Variants in SLTM observed in about 807,000 individuals in gnomAD.
SLTM encodes the protein SAFB-like transcription modulator.
In SLTM, 43 loss-of-function variants were observed where a neutral mutation model predicts 134.6. The observed-to-expected ratio is 0.32, with a 90% CI of 0.25 to 0.41. The LOEUF (loss-of-function observed/expected upper bound fraction) is 0.41, where lower values mean the gene tolerates loss of function less well. SLTM is among the 10% of genes least tolerant of loss of function. The pLI, the probability that SLTM is intolerant of heterozygous loss-of-function variation, is 1.00. For missense variants in SLTM, 1,055 were observed against 1,288.8 expected (o/e 0.82, Z 2.78); for synonymous variants, 424 against 432.3 (o/e 0.98, Z 0.24).
chr15:58,914,542 C>G (rs2036499189), intron 3 of SLTM, among the ~76,000 whole-genome samples: 1 of 152,116 alleles, frequency 6.6e-6, no homozygotes, highest in South Asian at 2.1e-4. Context: ...AGCAGGGGAT[C>G]TCTTGTTTGA....
At chr15:58,881,478 G>C (rs1425904012) in intron 20 of SLTM, among the ~76,000 whole-genome samples, 2 of 151,572 alleles carry the variant, frequency 1.3e-5, no homozygotes, top group African/African-American at 4.9e-5. Context: ...AGTGAGCTGA[G>C]ATAGTGCCAC....
chr15:58,897,818 C>A (rs575144025), intron 8 of SLTM, among the ~76,000 whole-genome samples: 3 of 152,128 alleles, frequency 2.0e-5, no homozygotes, highest in Middle Eastern at 3.4e-3. Context: ...AGATTAAGAT[C>A]AGAGGTCTCA....
chr15:58,923,616 G>C (rs1232513089), intron 2 of SLTM, among the ~76,000 whole-genome samples: 2 of 152,050 alleles, frequency 1.3e-5, no homozygotes, highest in Non-Finnish European at 2.9e-5. Flanking sequence ...TTTTTGTAGA[G>C]TCAAGTAACC....
Position 58,933,474 on chromosome 15 carries a change from TTCAGATCGATGACCC to T in SLTM, c.77_91del (p.Arg26_Lys31delinsGln). The T allele has an allele frequency of 6.3e-7, 1 of 1,598,500 alleles. No homozygotes were observed. Among genetic ancestry groups the T allele is most frequent in the Non-Finnish European group, 8.5e-7 (1 of 1,173,222 alleles). ...TAAGTTCCGCCGCTTCAGCTCGGAC[TTCAGATCGATGACCC>T]GCAGATCGGTGATCTTTTTACCTTC... On this transcript the variant is annotated inframe_deletion, in exon 1 of 21. Transcript: ENST00000380516.
intron 2 of SLTM, among the ~76,000 whole-genome samples, chr15:58,920,582 C>G (rs193165420): frequency 6.6e-6 from 1 of 150,918 alleles, no homozygotes; most frequent in East Asian, 1.9e-4. Context: ...AAGATAGCAA[C>G]GCAGCACTCC....
At chr15:58,913,945 G>A (rs972885503) in intron 3 of SLTM, among the ~76,000 whole-genome samples, 17 of 152,156 alleles carry the variant, frequency 1.1e-4, no homozygotes, top group Non-Finnish European at 1.9e-4. Context: ...ATTGCTGCTA[G>A]AGATGCTCTA....
intron 5 of SLTM, among the ~76,000 whole-genome samples, chr15:58,910,062 T>C (rs2036150373): frequency 6.6e-6 from 1 of 152,230 alleles, no homozygotes; most frequent in Non-Finnish European, 1.5e-5. Context: ...ATTTGAATCC[T>C]AACTGTATGT....
At chr15:58,922,543 TATATGTATATA>T (rs377103448) in intron 2 of SLTM, among the ~76,000 whole-genome samples, 2 of 672 alleles carry the variant, frequency 3.0e-3, no homozygotes, top group African/African-American at 3.2e-3. Context: ...TAATATATTT[TATATGTATATA>T]ATATGTATAT....
rs762132517 is a variant in SLTM at position 58,880,058 on chromosome 15, G to T, written c.3046C>A (p.Pro1016Thr). ...RIVQISGNSM[P>T]RGSGSGFKPF... ...TTAAATCCGGAGCCACTTCCTCTTG[G>T]CATGGAATTGCCACTGATTTGTACA... The change falls in exon 21 of 21, where the codon CCA (proline) becomes ACA (threonine). Residue 1016 changes from proline (P) to threonine (T), a missense_variant. Physicochemically the swap from Pro to Thr is conservative, Grantham distance 38 (BLOSUM62 -1). Coordinates refer to ENST00000380516, the MANE Select transcript of SLTM (RefSeq NM_024755.4). The T allele has an allele frequency of 1.3e-5, 21 of 1,613,986 alleles. No individual in the cohort carries two copies. In the South Asian group the frequency reaches 2.3e-4, roughly 18 times the overall value.
intron 20 of SLTM, among the ~76,000 whole-genome samples, chr15:58,880,316 A>G (rs1662194940): frequency 6.6e-6 from 1 of 152,208 alleles, no homozygotes; most frequent in Non-Finnish European, 1.5e-5. Flanking sequence ...AGCTAATAAA[A>G]TGGTGAAGCA....
intron 14 of SLTM, among the ~76,000 whole-genome samples, chr15:58,892,372 C>T (rs1683472777): frequency 6.6e-6 from 1 of 152,252 alleles, no homozygotes; most frequent in Admixed American, 6.5e-5. Flanking sequence ...CCATTAGGCT[C>T]ACAGGGCAAA....
chr15:58,879,301 C>T lies in SLTM; in HGVS notation c.*698G>A, dbSNP rs1238973256. The T allele has an allele frequency of 2.0e-5, 3 of 152,262 alleles. No individual in the cohort carries two copies. Among genetic ancestry groups the T allele is most frequent in the South Asian group, 2.1e-4 (1 of 4,834 alleles). 9.4% of individuals were successfully genotyped at this position (152,262 alleles called of 1,614,324 possible). A position where few individuals can be genotyped will look rare whatever the true frequency, so the allele number is the denominator to read the frequency against. ...GGTCTAAGAACCTTGTGAAACAAAC[C>T]TCATGGCCAAGGTTTCATGAATCTA... is the stretch of plus-strand genomic sequence containing the variant. On this transcript the variant is annotated 3_prime_UTR_variant, in exon 21 of 21. Coordinates refer to ENST00000380516, the MANE Select transcript of SLTM (RefSeq NM_024755.4).
Position 58,888,769 on chromosome 15 carries a change from T to C in SLTM, c.2205-214A>G, listed in dbSNP as rs77637029. On this transcript the variant is annotated intron_variant, in intron 16 of 20. Transcript: ENST00000380516. The stretch of plus-strand genomic sequence containing the variant: ...GAGAGGAATTTAACAGGAGAGAAAA[T>C]AGTTGAAAAACTGCCTGTCTTTTCC... 1.3e-4 allele frequency: 54 copies of C among 404,774 alleles called. No individual in the cohort carries two copies. The East Asian group carries it at 2.0e-3, about 15-fold the overall frequency. 25.1% of individuals were successfully genotyped at this position (404,774 alleles called of 1,614,324 possible). A position where few individuals can be genotyped will look rare whatever the true frequency, so the allele number is the denominator to read the frequency against.
In SLTM at chr15:58,887,361, T is replaced by C. The variant is rs2034304323; in HGVS notation, c.2555A>G (p.Glu852Gly). The C allele has an allele frequency of 6.2e-7, 1 of 1,613,912 alleles. No homozygotes were observed. The highest frequency in any genetic ancestry group is 1.7e-5 in the Admixed American group (1 of 59,990). ...GTCATGAATAATCACCGTTCTCCTT[T>C]CGTCTCGCTCCCCTCGTACTTCTCG... Reference protein sequence around the residue: ...DRREVRGERDERRTVIIHDRP... With the variant: ...DRREVRGERDGRRTVIIHDRP... Residue 852 changes from glutamate (E) to glycine (G), a missense_variant, in exon 18 of 21, where the codon GAA becomes GGA. Coordinates refer to ENST00000380516, the MANE Select transcript of SLTM (RefSeq NM_024755.4).
intron 17 of SLTM, 58 bp downstream of exon 17, chr15:58,888,327 A>C (rs2034389276): frequency 1.4e-6 from 2 of 1,437,826 alleles, no homozygotes; most frequent in Non-Finnish European, 9.4e-7. Flanking sequence ...TTTAGGAGAA[A>C]CAGAGTTATC....
chr15:58,892,797 A>G (rs2034769397), intron 14 of SLTM, 100 bp downstream of exon 14: 4 of 1,248,374 alleles, frequency 3.2e-6, no homozygotes, highest in East Asian at 4.7e-5. Context: ...GGTGGCAAAC[A>G]GTTTTCTGTG....
rs1200164929 is a variant in SLTM at position 58,894,706 on chromosome 15, T to G, written c.1228-124A>C. The G allele has an allele frequency of 2.7e-5, 6 of 220,908 alleles. 1 individual carries two copies. The South Asian group carries it at 1.0e-3, about 38-fold the overall frequency. 13.7% of individuals were successfully genotyped at this position (220,908 alleles called of 1,614,324 possible). On this transcript the variant is annotated intron_variant, in intron 9 of 20. Coordinates refer to ENST00000380516, the MANE Select transcript of SLTM (RefSeq NM_024755.4). ...AGGGTGTATCTTATTCTGTCTCATG[T>G]TTTTTTTTTTTTTTTTGAGATGGAG...
chr15:58,916,417 G>A (rs1023634740), intron 3 of SLTM, among the ~76,000 whole-genome samples: 15 of 151,998 alleles, frequency 9.9e-5, no homozygotes, highest in African/African-American at 3.1e-4. Context: ...CAAGTGATCC[G>A]CCCGCCTAGA....
chr15:58,893,587 AATGACCATTTT>A (rs1320433292), intron 12 of SLTM, among the ~76,000 whole-genome samples: 2 of 152,218 alleles, frequency 1.3e-5, no homozygotes, highest in African/African-American at 4.8e-5. Flanking sequence ...AGTACTAATC[AATGACCATTTT>A]AAGTCAGCCC....
Sources: gnomAD v4.1 joint callset for allele counts (sites outside exome capture counted in the v4.1 genomes callset) on GRCh38, gnomAD v4.1.1 for gene constraint, MANE v1.5 for transcripts, NCBI Gene and HGNC (gene_info 2026-07-23, HGNC 2026-07-21) for gene names.